The following NYAP2 variants were observed in gnomAD, a reference collection of about 807,000 sequenced individuals.
NYAP2 encodes neuronal tyrosine-phosphorylated phosphoinositide-3-kinase adaptor 2, also known as neuronal tyrosine-phosphorylated phosphoinositide-3-kinase adapter 2.
In NYAP2, 23 loss-of-function variants were observed where a neutral mutation model predicts 50.4. That is an observed-to-expected ratio of 0.46 (90% CI 0.33 to 0.65). The LOEUF is 0.65. Ranked by LOEUF, NYAP2 falls within the 30% of genes least tolerant of loss-of-function variation. The pLI is 0.02. For missense variants in NYAP2, 885 were observed against 861.0 expected (o/e 1.03, Z -0.35); for synonymous variants, 394 against 365.2 (o/e 1.08, Z -0.90).
At chr2:225,430,441 T>C (rs1029851345) in intron 3 of NYAP2, among the ~76,000 whole-genome samples, 1 of 152,204 alleles carries the variant, frequency 6.6e-6, no homozygotes. Flanking sequence ...AGTTATTTAT[T>C]AGGTGAAAAG....
chr2:225,421,418 T>G (rs575274106), intron 3 of NYAP2, among the ~76,000 whole-genome samples: 12 of 152,290 alleles, frequency 7.9e-5, no homozygotes, highest in Admixed American at 2.0e-4. Flanking sequence ...GTATTTTATT[T>G]TACTTAGGGG....
chr2:225,414,385 C>T (rs1217665731), intron 3 of NYAP2, among the ~76,000 whole-genome samples: 2 of 152,082 alleles, frequency 1.3e-5, no homozygotes, highest in Admixed American at 1.3e-4. Context: ...ATTTTAAATC[C>T]TAATGGTTTT....
the NYAP2 span, among the ~76,000 whole-genome samples, chr2:225,665,266 C>G: frequency 6.6e-6 from 1 of 152,118 alleles, no homozygotes; most frequent in East Asian, 1.9e-4. Context: ...AGACCTCCTC[C>G]TTGGGTGATT....
the NYAP2 span, among the ~76,000 whole-genome samples, chr2:225,695,007 T>C: frequency 6.6e-6 from 1 of 151,836 alleles, no homozygotes; most frequent in East Asian, 1.9e-4. Context: ...AGTGGACATA[T>C]AACTATTTAA....
At chr2:225,519,222 A>G (rs1691000831) in intron 4 of NYAP2, among the ~76,000 whole-genome samples, 1 of 151,776 alleles carries the variant, frequency 6.6e-6, no homozygotes, top group Non-Finnish European at 1.5e-5. Flanking sequence ...TATGATATTA[A>G]CATAGTATTT....
chr2:225,542,619 C>T (rs904904803), intron 4 of NYAP2, among the ~76,000 whole-genome samples: 4 of 152,064 alleles, frequency 2.6e-5, no homozygotes, highest in Admixed American at 1.3e-4. Context: ...TGGGATAAAT[C>T]CCACTTGGGC....
At chr2:225,670,020 T>G in the NYAP2 span, among the ~76,000 whole-genome samples, 1 of 152,114 alleles carries the variant, frequency 6.6e-6, no homozygotes, top group Admixed American at 6.6e-5. Context: ...GAAATGTGCT[T>G]TGCACATTCT....
At chr2:225,562,012 T>A (rs1691885290) in intron 4 of NYAP2, among the ~76,000 whole-genome samples, 1 of 152,096 alleles carries the variant, frequency 6.6e-6, no homozygotes, top group Non-Finnish European at 1.5e-5. Context: ...GTTAAATGAT[T>A]AGAATGTTAA....
intron 5 of NYAP2, among the ~76,000 whole-genome samples, chr2:225,603,103 A>G (rs1318010040): frequency 1.3e-5 from 2 of 152,162 alleles, no homozygotes; most frequent in Non-Finnish European, 1.5e-5. Flanking sequence ...AAATTTTTTT[A>G]GCAATGTTTA....
upstream of NYAP2, among the ~76,000 whole-genome samples, chr2:225,398,422 C>T (rs1559169437): frequency 1.3e-5 from 2 of 151,968 alleles, no homozygotes; most frequent in Non-Finnish European, 2.9e-5. Context: ...TCTAAAATGT[C>T]TGTCAATAAT....
the NYAP2 span, among the ~76,000 whole-genome samples, chr2:225,671,239 C>T: frequency 2.6e-5 from 4 of 152,074 alleles, no homozygotes; most frequent in South Asian, 8.3e-4. Flanking sequence ...ATTTTCCCCA[C>T]AGTAGAATTA....
the NYAP2 span, among the ~76,000 whole-genome samples, chr2:225,670,733 T>G: frequency 6.6e-6 from 1 of 152,124 alleles, no homozygotes; most frequent in Admixed American, 6.6e-5. Context: ...AAATCAATAT[T>G]GCTAAGATTT....
chr2:225,507,384 C>T (rs1436145101), intron 3 of NYAP2, among the ~76,000 whole-genome samples: 1 of 152,186 alleles, frequency 6.6e-6, no homozygotes, highest in Non-Finnish European at 1.5e-5. Flanking sequence ...TAAGGAAACA[C>T]ACAACATCAA....
At chr2:225,431,136 T>C (rs1422253644) in intron 3 of NYAP2, among the ~76,000 whole-genome samples, 1 of 152,222 alleles carries the variant, frequency 6.6e-6, no homozygotes, top group African/African-American at 2.4e-5. Context: ...AATTCTGTGG[T>C]ACATATCAAT....
At chr2:225,507,891 G>A (rs1010081179) in intron 3 of NYAP2, among the ~76,000 whole-genome samples, 2 of 152,212 alleles carry the variant, frequency 1.3e-5, no homozygotes, top group African/African-American at 4.8e-5. Context: ...AGTAGCTAAT[G>A]TTATACAGCT....
chr2:225,580,262 T>C (rs866863587), intron 4 of NYAP2, among the ~76,000 whole-genome samples: 4 of 152,200 alleles, frequency 2.6e-5, no homozygotes, highest in African/African-American at 9.7e-5. Context: ...TTGTATATAA[T>C]CTGATGACTT....
intron 4 of NYAP2, among the ~76,000 whole-genome samples, chr2:225,554,321 CT>C (rs751259949): frequency 0.014 from 1,826 of 131,594 alleles, 16 homozygotes; most frequent in African/African-American, 0.042. Context: ...AAACATTTAT[CT>C]TTTTTTTTTT....
At chr2:225,518,887 G>A (rs149579840) in intron 4 of NYAP2, among the ~76,000 whole-genome samples, 2 of 151,838 alleles carry the variant, frequency 1.3e-5, no homozygotes, top group African/African-American at 2.4e-5. Context: ...GCATGTGGGC[G>A]GGAGCCTGTA....
At position 225,621,080 on chromosome 2, in the gene NYAP2, C is replaced by G. The variant is rs532441828; in HGVS notation, c.1619-5837C>G. Among the ~76,000 whole-genome samples the G allele has an allele frequency of 1.6e-4, 22 of 140,106 alleles. No homozygotes were observed. The South Asian group carries it at 4.2e-3, about 27-fold the overall frequency. The allele number at this position is 140,106 out of a possible 152,430, so 91.9% of individuals were successfully genotyped here. On this transcript the variant is annotated intron_variant, in intron 5 of 6. Transcript: ENST00000636099. ...GGTGAGCTGAGATCGTGCCACTGCA[C>G]TCCAGCCTGGGCGACCAGCGAGACT... is the stretch of plus-strand genomic sequence containing the variant.
Sources: gnomAD v4.1 joint callset for allele counts (sites outside exome capture counted in the v4.1 genomes callset) on GRCh38, gnomAD v4.1.1 for gene constraint, MANE v1.5 for transcripts, NCBI Gene and HGNC (gene_info 2026-07-23, HGNC 2026-07-21) for gene names.